SPRYD4: variants seen among roughly 807,000 people sequenced by gnomAD.
SPRYD4 encodes SPRY domain containing 4.
Under a neutral mutation model 16.6 loss-of-function variants are expected in SPRYD4, and 12 were observed. That is an observed-to-expected ratio of 0.72 (90% CI 0.46 to 1.17). SPRYD4 has a LOEUF of 1.17. SPRYD4 is among the 50% of genes most tolerant of loss of function. The pLI, the probability that SPRYD4 is intolerant of heterozygous loss-of-function variation, is 0.00. For missense variants in SPRYD4, 260 were observed against 260.2 expected (o/e 1.00, Z 0.00); for synonymous variants, 98 against 105.4 (o/e 0.93, Z 0.43).
At position 56,478,042 on chromosome 12, in the gene SPRYD4, G is replaced by A. The variant is rs776178666; in HGVS notation, c.*8465G>A. 8.1e-6 allele frequency: 13 copies of A among 1,614,098 alleles called. No homozygotes were observed. The Admixed American group carries it at 1.2e-4, about 14-fold the overall frequency. On this transcript the variant is annotated 3_prime_UTR_variant, in exon 2 of 2. Transcript: ENST00000338146. ...TGCTTATGGAGATGGCATAGGTGAG[G>A]GGCTTCACACAGGACTGCAGGCAGA...
rs768560437 is a variant in SPRYD4, at chr12:56,478,000, G to A, written c.*8423G>A. ...GCTCTTTGCCCACAAACTTGTGCAC[G>A]TAGTCAGTGCCTAGGGTGCTTATGG... On this transcript the variant is annotated 3_prime_UTR_variant, in exon 2 of 2. Coordinates refer to ENST00000338146, the MANE Select transcript of SPRYD4 (RefSeq NM_207344.4). 4.1e-5 allele frequency: 66 copies of A among 1,614,114 alleles called. No individual in the cohort carries two copies. The highest frequency in any genetic ancestry group is 5.4e-5 in the Non-Finnish European group (64 of 1,180,046).
rs761918232 is a variant in SPRYD4 at position 56,474,624 on chromosome 12, TCAG to T, written c.*5050_*5052del. On this transcript the variant is annotated 3_prime_UTR_variant, in exon 2 of 2. Coordinates refer to ENST00000338146, the MANE Select transcript of SPRYD4 (RefSeq NM_207344.4). ...AGGGTGTTGCGCACTGCTTCAGCAC[TCAG>T]CACACTCTCGCCTGTGATGGGGCAG... The T allele has an allele frequency of 1.2e-6, 2 of 1,614,160 alleles. No individual in the cohort carries two copies.
In SPRYD4 at chr12:56,475,837, T is replaced by TTCCAGAA; in HGVS notation, c.*6260_*6261insTCCAGAA. The TTCCAGAA allele has an allele frequency of 1.4e-6, 2 of 1,412,214 alleles. No homozygotes were observed. The highest frequency in any genetic ancestry group is 2.3e-5 in the South Asian group (2 of 86,426). The allele number at this position is 1,412,214 out of a possible 1,614,324, so 87.5% of individuals were successfully genotyped here. ...ACATTTCTGGAAATAAGGCTTCTAG[T>TTCCAGAA]ATGGGCTGGTGCACCTGGTAGTGGG... is the stretch of plus-strand genomic sequence containing the variant. On this transcript the variant is annotated 3_prime_UTR_variant, in exon 2 of 2. Transcript: ENST00000338146.
At chr12:56,468,931 C>T in intron 1 of SPRYD4, 108 bp from the exon 2 acceptor site, 5 of 1,387,886 alleles carry the variant, frequency 3.6e-6, no homozygotes, top group Non-Finnish European at 4.9e-6. Context: ...CATTCTGACT[C>T]TTCCCTAGTT....
rs1051964866 is a variant in SPRYD4 at position 56,475,209 on chromosome 12, C to A, written c.*5632C>A. ...CTGGAGAGACAGAACTACATCACAC[C>A]ACAAACTAAATGAACCCCTTTATAA... On this transcript the variant is annotated 3_prime_UTR_variant, in exon 2 of 2. Coordinates refer to ENST00000338146, the MANE Select transcript of SPRYD4 (RefSeq NM_207344.4). 1.2e-6 allele frequency: 2 copies of A among 1,603,206 alleles called. No homozygotes were observed. The highest frequency in any genetic ancestry group is 1.7e-4 in the Middle Eastern group (1 of 6,060).
chr12:56,469,530 G>T lies in SPRYD4; in HGVS notation c.577G>T (p.Gly193Trp). 1 of 1,614,098 alleles carries T rather than the reference G, an allele frequency of 6.2e-7. No homozygotes were observed. Among genetic ancestry groups the T allele is most frequent in the Non-Finnish European group, 8.5e-7 (1 of 1,180,024 alleles). The change falls in exon 2 of 2, where the codon GGG becomes TGG. Residue 193 changes from glycine to tryptophan, a missense_variant. Coordinates refer to ENST00000338146, the MANE Select transcript of SPRYD4 (RefSeq NM_207344.4). ...PVVPAFALWD[G>W]ELLTHSGLEV... ...GGTGCCTGCCTTTGCTCTCTGGGAT[G>T]GGGAGCTGCTGACCCATTCAGGGCT...
chr12:56,477,572 CT>C lies in SPRYD4; in HGVS notation c.*7996del. The stretch of plus-strand genomic sequence containing the variant: ...TCAAAGGAATCAGAGCCCCACCAGT[CT>C]CCCTGGAGAGCTGAACAAATATGAG... On this transcript the variant is annotated 3_prime_UTR_variant, in exon 2 of 2. Coordinates refer to ENST00000338146, the MANE Select transcript of SPRYD4 (RefSeq NM_207344.4). 1 of 1,350,014 alleles carries C rather than the reference CT, an allele frequency of 7.4e-7. No individual in the cohort carries two copies. The highest frequency in any genetic ancestry group is 2.1e-5 in the Admixed American group (1 of 48,310). The allele number at this position is 1,350,014 out of a possible 1,614,324, so 83.6% of individuals were successfully genotyped here.
chr12:56,472,367 CATATT>C lies in SPRYD4; in HGVS notation c.*2792_*2796del, dbSNP rs1041177454. ...CATATCCAGATGAGACTGTTATACTCATATTAGAGAGATGGGAATGTGATCCTTCC... is the reference window on the plus strand; with the variant it reads ...CATATCCAGATGAGACTGTTATACTCAGAGAGATGGGAATGTGATCCTTCC... On this transcript the variant is annotated 3_prime_UTR_variant, in exon 2 of 2. Transcript: ENST00000338146. 22 of 623,986 alleles carry C rather than the reference CATATT, an allele frequency of 3.5e-5. No homozygotes were observed. The highest frequency in any genetic ancestry group is 9.2e-5 in the African/African-American group (5 of 54,382). 38.7% of individuals were successfully genotyped at this position (623,986 alleles called of 1,614,324 possible). A position where few individuals can be genotyped will look rare whatever the true frequency, so the allele number is the denominator to read the frequency against.
At position 56,477,424 on chromosome 12, in the gene SPRYD4, CT is replaced by C. The variant is rs1324468152; in HGVS notation, c.*7848del. Reference sequence around the variant, plus strand: ...GGGTCAGAAAGCTCTAGGCTCTAGACTCATGGGTGGGGGCAGGGAACAGTAC... The same window carrying C: ...GGGTCAGAAAGCTCTAGGCTCTAGACCATGGGTGGGGGCAGGGAACAGTAC... On this transcript the variant is annotated 3_prime_UTR_variant, in exon 2 of 2. Coordinates refer to ENST00000338146, the MANE Select transcript of SPRYD4 (RefSeq NM_207344.4). The C allele has an allele frequency of 1.2e-5, 5 of 420,400 alleles. No homozygotes were observed. The highest frequency in any genetic ancestry group is 8.1e-5 in the African/African-American group (4 of 49,470). 26.0% of individuals were successfully genotyped at this position (420,400 alleles called of 1,614,324 possible).
chr12:56,477,826 ACAGGGCTAAT>A lies in SPRYD4; in HGVS notation c.*8254_*8263del. On this transcript the variant is annotated 3_prime_UTR_variant, in exon 2 of 2. Transcript: ENST00000338146. ...AAAGACTGCTAGGGAGAAAGGCATG[ACAGGGCTAAT>A]CAGGAAGGGCAGAGAAACAAAAAAG... 1 of 1,542,542 alleles carries A rather than the reference ACAGGGCTAAT, an allele frequency of 6.5e-7. No individual in the cohort carries two copies. The highest frequency in any genetic ancestry group is 8.8e-7 in the Non-Finnish European group (1 of 1,133,032).
rs752459345 is a variant in SPRYD4 at position 56,475,614 on chromosome 12, A to G, written c.*6037A>G. 1 of 1,613,614 alleles carries G rather than the reference A, an allele frequency of 6.2e-7. No individual in the cohort carries two copies. The highest frequency in any genetic ancestry group is 2.2e-5 in the East Asian group (1 of 44,880). On this transcript the variant is annotated 3_prime_UTR_variant, in exon 2 of 2. Coordinates refer to ENST00000338146, the MANE Select transcript of SPRYD4 (RefSeq NM_207344.4). ...AATGCTTTCAGTCAGTCCTCTGAGT[A>G]GGGACTTACGTGGCATTGCTGAAAC...
Position 56,476,811 on chromosome 12 carries a change from G to A in SPRYD4, c.*7234G>A, listed in dbSNP as rs1869866144. On this transcript the variant is annotated 3_prime_UTR_variant, in exon 2 of 2. Coordinates refer to ENST00000338146, the MANE Select transcript of SPRYD4 (RefSeq NM_207344.4). ...GGGTTTCACCGTGCTAGCCAGGATG[G>A]TCTCGATCTCCTGACCTCGTGATTT... is the stretch of plus-strand genomic sequence containing the variant. 1 of 152,176 alleles carries A rather than the reference G, an allele frequency of 6.6e-6. No homozygotes were observed. 9.4% of individuals were successfully genotyped at this position (152,176 alleles called of 1,614,324 possible).
rs1414604885 is a variant in SPRYD4, at chr12:56,472,351, A to G, written c.*2774A>G. On this transcript the variant is annotated 3_prime_UTR_variant, in exon 2 of 2. Transcript: ENST00000338146. ...TGAATAATCTTTTTTCCATATCCAG[A>G]TGAGACTGTTATACTCATATTAGAG... The G allele has an allele frequency of 3.1e-6, 2 of 654,906 alleles. No homozygotes were observed. The highest frequency in any genetic ancestry group is 5.4e-5 in the East Asian group (2 of 37,172). 40.6% of individuals were successfully genotyped at this position (654,906 alleles called of 1,614,324 possible).
Position 56,469,737 on chromosome 12 carries a change from G to C in SPRYD4, c.*160G>C, listed in dbSNP as rs1869157745. On this transcript the variant is annotated 3_prime_UTR_variant, in exon 2 of 2. Transcript: ENST00000338146. ...TCATCTTCCTCATCCCCTACCTTGT[G>C]AAAGCTAGGCATACAGCCAAACCCT... 1.3e-6 allele frequency: 1 copy of C among 741,872 alleles called. No homozygotes were observed. Among genetic ancestry groups the C allele is most frequent in the Non-Finnish European group, 2.1e-6 (1 of 468,702 alleles). 46.0% of individuals were successfully genotyped at this position (741,872 alleles called of 1,614,324 possible). A position where few individuals can be genotyped will look rare whatever the true frequency, so the allele number is the denominator to read the frequency against.
chr12:56,477,054 A>G lies in SPRYD4; in HGVS notation c.*7477A>G, dbSNP rs960819309. On this transcript the variant is annotated 3_prime_UTR_variant, in exon 2 of 2. Coordinates refer to ENST00000338146, the MANE Select transcript of SPRYD4 (RefSeq NM_207344.4). ...CTCATGTGTCAACTACAGAGTCAAT[A>G]CCACAGGGACTCTGATACCTGAGTC... is the stretch of plus-strand genomic sequence containing the variant. 2.0e-5 allele frequency: 3 copies of G among 152,184 alleles called. No homozygotes were observed. Among genetic ancestry groups the G allele is most frequent in the African/African-American group, 7.2e-5 (3 of 41,412 alleles). The allele number at this position is 152,184 out of a possible 1,614,324, so 9.4% of individuals were successfully genotyped here.
rs981211955 is a variant in SPRYD4 at position 56,469,605 on chromosome 12, C to T, written c.*28C>T. ...TGTCCATTACTGGAGTCCCTAATCA[C>T]GCCTTTGGCCAGCCTCCTTTTGAAA... is the stretch of plus-strand genomic sequence containing the variant. On this transcript the variant is annotated 3_prime_UTR_variant, in exon 2 of 2. Coordinates refer to ENST00000338146, the MANE Select transcript of SPRYD4 (RefSeq NM_207344.4). 1.1e-5 allele frequency: 17 copies of T among 1,579,838 alleles called. No homozygotes were observed. The highest frequency in any genetic ancestry group is 4.5e-5 in the East Asian group (2 of 44,194).
In SPRYD4 at chr12:56,474,361, T is replaced by G; in HGVS notation, c.*4784T>G. The G allele has an allele frequency of 5.7e-6, 4 of 699,730 alleles. No individual in the cohort carries two copies. Among genetic ancestry groups the G allele is most frequent in the Non-Finnish European group, 7.0e-6 (3 of 426,880 alleles). 43.3% of individuals were successfully genotyped at this position (699,730 alleles called of 1,614,324 possible). On this transcript the variant is annotated 3_prime_UTR_variant, in exon 2 of 2. Transcript: ENST00000338146. ...GCCTCGGCCTCCCAAAGACATCTCT[T>G]TATATATTCGAGGAACTTGGTGTTT...
Position 56,472,381 on chromosome 12 carries a change from G to T in SPRYD4, c.*2804G>T. 1.6e-6 allele frequency: 1 copy of T among 617,046 alleles called. No homozygotes were observed. The highest frequency in any genetic ancestry group is 2.8e-6 in the Non-Finnish European group (1 of 351,602). The allele number at this position is 617,046 out of a possible 1,614,324, so 38.2% of individuals were successfully genotyped here. The stretch of plus-strand genomic sequence containing the variant: ...ACTGTTATACTCATATTAGAGAGAT[G>T]GGAATGTGATCCTTCCAGAAATATC... On this transcript the variant is annotated 3_prime_UTR_variant, in exon 2 of 2. Coordinates refer to ENST00000338146, the MANE Select transcript of SPRYD4 (RefSeq NM_207344.4).
chr12:56,471,975 A>T lies in SPRYD4; in HGVS notation c.*2398A>T. 2 of 1,258,576 alleles carry T rather than the reference A, an allele frequency of 1.6e-6. No individual in the cohort carries two copies. Among genetic ancestry groups the T allele is most frequent in the Non-Finnish European group, 1.2e-6 (1 of 868,106 alleles). 78.0% of individuals were successfully genotyped at this position (1,258,576 alleles called of 1,614,324 possible). ...TTTGTACCCTGCAGCACTCAGTCATAGTCTAGCTGCAAACCGAAGGGTGTC... is the reference window on the plus strand; with the variant it reads ...TTTGTACCCTGCAGCACTCAGTCATTGTCTAGCTGCAAACCGAAGGGTGTC... On this transcript the variant is annotated 3_prime_UTR_variant, in exon 2 of 2. Transcript: ENST00000338146.
Sources: gnomAD v4.1 joint callset for allele counts on GRCh38, gnomAD v4.1.1 for gene constraint, MANE v1.5 for transcripts, NCBI Gene and HGNC (gene_info 2026-07-23, HGNC 2026-07-21) for gene names.